TKT: variants seen among roughly 807,000 people sequenced by gnomAD.
TKT encodes epididymis luminal protein 107.
TKT carries 47 observed loss-of-function variants against 63.9 expected under a neutral mutation model. That is an observed-to-expected ratio of 0.74 (90% confidence interval 0.58 to 0.94). TKT has a LOEUF of 0.94. Ranked by LOEUF, TKT falls within the 40% of genes least tolerant of loss-of-function variation. The pLI is 0.00. For synonymous variants in TKT, 338 were observed against 334.1 expected (o/e 1.01, Z -0.13); for missense variants, 721 against 846.2 (o/e 0.85, Z 1.84).
Position 53,233,190 on chromosome 3 carries a change from G to A in TKT, c.714C>T (p.Ile238=), listed in dbSNP as rs1473240006. 15 of 1,614,030 alleles carry A rather than the reference G, an allele frequency of 9.3e-6. No homozygotes were observed. The highest frequency in any genetic ancestry group is 1.2e-5 in the Non-Finnish European group (14 of 1,179,956). Residue 238 remains isoleucine (I), a synonymous_variant, in exon 6 of 14, where the codon ATC becomes ATT. Transcript: ENST00000462138. The part of the protein sequence containing the change: ...FGQAKHQPTA[I]IAKTFKGRGI... ...CTCGGCCCTTGAAGGTCTTGGCAATGATGGCTGTTGGCTGGTGCTTGGCCT... is the reference window on the plus strand; with the variant it reads ...CTCGGCCCTTGAAGGTCTTGGCAATAATGGCTGTTGGCTGGTGCTTGGCCT...
At chr3:53,246,525 T>C (rs1705511958) in intron 1 of TKT, among the ~76,000 whole-genome samples, 1 of 152,124 alleles carries the variant, frequency 6.6e-6, no homozygotes. Context: ...AAGAAGACCA[T>C]ATTGATTTAT....
rs969718715 is a variant in TKT, at chr3:53,233,355, G to A, written c.630-81C>T. The stretch of plus-strand genomic sequence containing the variant: ...AGCCTTCCAGGGAAAGGTCTGCCTT[G>A]GCAGCTGGGGTCTGCCCAGGCTCCA... On this transcript the variant is annotated intron_variant, in intron 5 of 13. Transcript: ENST00000462138. 6 of 1,174,448 alleles carry A rather than the reference G, an allele frequency of 5.1e-6. No homozygotes were observed. In the African/African-American group the frequency reaches 7.7e-5, roughly 15 times the overall value. The allele number at this position is 1,174,448 out of a possible 1,614,324, so 72.8% of individuals were successfully genotyped here.
At chr3:53,227,000 TC>T in intron 12 of TKT, 122 bp from the exon 13 acceptor site, 1 of 1,302,316 alleles carries the variant, frequency 7.7e-7, no homozygotes, top group South Asian at 1.5e-5. Flanking sequence ...TGCGGGCCTG[TC>T]CCTGTCCCAG....
Position 53,225,706 on chromosome 3 carries a change from C to T in TKT, c.*50G>A. The T allele has an allele frequency of 6.6e-7, 1 of 1,521,300 alleles. No homozygotes were observed. Among genetic ancestry groups the T allele is most frequent in the Non-Finnish European group, 8.9e-7 (1 of 1,124,622 alleles). The allele number at this position is 1,521,300 out of a possible 1,614,324, so 94.2% of individuals were successfully genotyped here. ...TCTCAGTACATCTTTGAGCACCTTTCCCAGAATCTCAGGAATGTATAGACC... is the reference window on the plus strand; with the variant it reads ...TCTCAGTACATCTTTGAGCACCTTTTCCAGAATCTCAGGAATGTATAGACC... On this transcript the variant is annotated 3_prime_UTR_variant, in exon 14 of 14. Transcript: ENST00000462138.
At position 53,231,485 on chromosome 3, in the gene TKT, G is replaced by A; in HGVS notation, c.814C>T (p.Gln272Ter). The change falls in exon 7 of 14, where the codon CAG becomes TAG. Residue 272 changes from glutamine (Q) to a stop codon, truncating the protein, a stop_gained. Coordinates refer to ENST00000462138, the MANE Select transcript of TKT (RefSeq NM_001064.4). LOFTEE classifies it high-confidence loss of function. ...CTCTGGATCTGGCTGTAGATCTCCT[G>A]GATGATCTGCTCAGCCATGTTTTTG... Reference protein sequence around the residue: ...LPKNMAEQIIQEIYSQIQSKK... With the variant: ...LPKNMAEQII The A allele has an allele frequency of 6.2e-7, 1 of 1,614,154 alleles. No homozygotes were observed. The highest frequency in any genetic ancestry group is 1.1e-5 in the South Asian group (1 of 91,088).
chr3:53,247,972 C>T (rs1250735179), intron 1 of TKT, among the ~76,000 whole-genome samples: 1 of 152,210 alleles, frequency 6.6e-6, no homozygotes, highest in Admixed American at 6.5e-5. Flanking sequence ...GTTGTATCCA[C>T]AGGCTTGAAT....
intron 1 of TKT, chr3:53,243,560 C>A: frequency 2.2e-6 from 1 of 456,590 alleles, no homozygotes; most frequent in East Asian, 6.9e-5. Flanking sequence ...AACATTCTCG[C>A]ACACGATCAT....
At chr3:53,226,682 T>G (rs537158932) in intron 13 of TKT, 74 bp downstream of exon 13, 1 of 1,606,374 alleles carries the variant, frequency 6.2e-7, no homozygotes, top group Non-Finnish European at 8.5e-7. Context: ...GGGGCTCAGA[T>G]AGAAGAGGCA....
chr3:53,251,332 A>C (rs1553681628), intron 1 of TKT, among the ~76,000 whole-genome samples: 4 of 152,246 alleles, frequency 2.6e-5, no homozygotes, highest in Non-Finnish European at 5.9e-5. Context: ...CTTTGCCACC[A>C]GCCTCAGCAT....
At chr3:53,226,919 G>C in intron 12 of TKT, 41 bp from the exon 13 acceptor site, 1 of 1,566,470 alleles carries the variant, frequency 6.4e-7, no homozygotes, top group South Asian at 1.2e-5. Flanking sequence ...GGGAGGGCTG[G>C]GCACCACTAT....
intron 13 of TKT, chr3:53,226,276 T>A: frequency 3.8e-6 from 1 of 262,622 alleles, no homozygotes; most frequent in Non-Finnish European, 7.3e-6. Context: ...CAAACACCAT[T>A]GTTGGTGACC....
At chr3:53,247,633 CAAA>C (rs3075723) in intron 1 of TKT, among the ~76,000 whole-genome samples, 2 of 66,984 alleles carry the variant, frequency 3.0e-5, no homozygotes, top group African/African-American at 6.5e-5. Context: ...GACTCCACCT[CAAA>C]AAAAAAAAAA....
chr3:53,239,300 A>G (rs1705170473), intron 4 of TKT, among the ~76,000 whole-genome samples: 1 of 152,000 alleles, frequency 6.6e-6, no homozygotes, highest in Middle Eastern at 3.2e-3. Context: ...ATTATTCTTT[A>G]AAAAAAAGAA....
chr3:53,230,012 A>G (rs979434388), intron 8 of TKT, among the ~76,000 whole-genome samples: 2 of 152,144 alleles, frequency 1.3e-5, no homozygotes, highest in East Asian at 3.8e-4. Flanking sequence ...GCTTCCCCAA[A>G]TGGGTACATG....
chr3:53,228,745 G>C, intron 10 of TKT: 1 of 556,446 alleles, frequency 1.8e-6, no homozygotes, highest in Non-Finnish European at 3.2e-6. Context: ...AGGGTGGAGA[G>C]GTGTCAACCG....
At chr3:53,231,647 G>A (rs1439559667) in intron 6 of TKT, 97 bp from the exon 7 acceptor site, 2 of 1,293,940 alleles carry the variant, frequency 1.5e-6, no homozygotes, top group African/African-American at 1.5e-5. Context: ...TACCTGCCGA[G>A]GGCAAGGGAG....
chr3:53,242,219 G>T lies in TKT; in HGVS notation c.131C>A (p.Ala44Asp), dbSNP rs1553680064. ...GSGHPTSCCS[A>D]AEIMAVLFFH... The stretch of plus-strand genomic sequence containing the variant: ...AAAGAGGACAGCCATGATCTCTGCG[G>T]CGCTGCAGCATGACGTGGGGTGGCT... The change falls in exon 2 of 14, where the codon GCC becomes GAC. Residue 44 changes from alanine (A) to aspartate (D), a missense_variant. Ala to Asp is a moderately radical substitution (Grantham distance 126, BLOSUM62 -2). Transcript: ENST00000462138. The T allele has an allele frequency of 1.9e-6, 3 of 1,614,094 alleles. No individual in the cohort carries two copies. Among genetic ancestry groups the T allele is most frequent in the Non-Finnish European group, 2.5e-6 (3 of 1,179,994 alleles).
At chr3:53,230,359 C>T (rs1370448500) in intron 8 of TKT, 98 bp downstream of exon 8, 18 of 1,511,560 alleles carry the variant, frequency 1.2e-5, no homozygotes, top group African/African-American at 8.2e-5. Flanking sequence ...GGCTGGCCTA[C>T]AGCAGGCACC....
intron 13 of TKT, chr3:53,226,143 C>A: frequency 2.1e-6 from 1 of 468,052 alleles, no homozygotes; most frequent in Non-Finnish European, 3.7e-6. Context: ...GGTCTCCCAA[C>A]TCCTGAGCTC....
Sources: gnomAD v4.1 joint callset for allele counts (sites outside exome capture counted in the v4.1 genomes callset) on GRCh38, gnomAD v4.1.1 for gene constraint, MANE v1.5 for transcripts, NCBI Gene and HGNC (gene_info 2026-07-23, HGNC 2026-07-21) for gene names.